DIP2C: variants seen among roughly 807,000 people sequenced by gnomAD.
The protein encoded by DIP2C is DIP2 acetate--CoA ligase C (putative).
Under a neutral mutation model 192.4 loss-of-function variants are expected in DIP2C, and 33 were observed. The ratio of observed to expected loss-of-function variants is 0.17; its 90% CI spans 0.13 to 0.23. DIP2C has a LOEUF of 0.23. Among genes scored for constraint, DIP2C ranks in the 10% least tolerant of loss-of-function variants. The pLI, the probability that DIP2C is intolerant of heterozygous loss-of-function variation, is 1.00. For synonymous variants in DIP2C, 979 were observed against 864.1 expected, an observed-to-expected ratio of 1.13 and a Z score of -2.33; for missense variants, 1,537 against 2,110.1, an observed-to-expected ratio of 0.73 and a Z score of 5.32.
At chr10:359,319 G>T (rs948439450) in intron 22 of DIP2C, among the ~76,000 whole-genome samples, 1 of 152,180 alleles carries the variant, frequency 6.6e-6, no homozygotes, top group African/African-American at 2.4e-5. Flanking sequence ...TGCCAGAAAC[G>T]ATTCCACTTA....
chr10:605,299 G>A (rs903179549), intron 1 of DIP2C, among the ~76,000 whole-genome samples: 41 of 152,194 alleles, frequency 2.7e-4, no homozygotes, highest in Non-Finnish European at 4.9e-4. Context: ...TCAGGGACAC[G>A]TTAGGAAATC....
chr10:440,418 A>C (rs961219530), intron 4 of DIP2C, among the ~76,000 whole-genome samples: 1 of 152,258 alleles, frequency 6.6e-6, no homozygotes, highest in Non-Finnish European at 1.5e-5. Context: ...ACTTGCAGGC[A>C]AAGTTTATGA....
At chr10:326,662 G>A (rs1175295165) in intron 31 of DIP2C, among the ~76,000 whole-genome samples, 2 of 152,202 alleles carry the variant, frequency 1.3e-5, no homozygotes, top group Admixed American at 6.5e-5. Context: ...TCGTCTACAC[G>A]CGTGGGACTA....
At chr10:609,539 A>T (rs545427504) in intron 1 of DIP2C, among the ~76,000 whole-genome samples, 2 of 152,294 alleles carry the variant, frequency 1.3e-5, no homozygotes, top group South Asian at 4.1e-4. Flanking sequence ...TAATTAACTC[A>T]ATTAAAAAAC....
At chr10:578,634 G>A (rs1033006850) in intron 1 of DIP2C, among the ~76,000 whole-genome samples, 2 of 152,146 alleles carry the variant, frequency 1.3e-5, no homozygotes, top group Non-Finnish European at 2.9e-5. Context: ...CGGTGCTAAC[G>A]AGATGGTGTG....
chr10:363,508 G>A lies in DIP2C; in HGVS notation c.2478-197C>T, dbSNP rs563206377. Among the ~76,000 whole-genome samples, 10 of 152,158 alleles carry A rather than the reference G, an allele frequency of 6.6e-5. No homozygotes were observed. The highest frequency in any genetic ancestry group is 5.2e-4 in the Admixed American group (8 of 15,280). ...GTGGGAGGCGCCCAGGGATGCTGCC[G>A]AGGCAAGGTCACCCTGATCCCCACG... On this transcript the variant is annotated intron_variant, in intron 20 of 36. Coordinates refer to ENST00000280886, the MANE Select transcript of DIP2C (RefSeq NM_014974.3). The surrounding 1 kb of genome is among the most constrained non-coding windows in gnomAD (Gnocchi z 5.4).
intron 36 of DIP2C, 111 bp downstream of exon 36, chr10:281,088 AC>A: frequency 6.9e-7 from 1 of 1,444,238 alleles, no homozygotes; most frequent in South Asian, 1.3e-5. Flanking sequence ...GTTGAATCGC[AC>A]CCCCTTCCCT....
chr10:393,475 C>G (rs1311636031), intron 10 of DIP2C, among the ~76,000 whole-genome samples: 1 of 152,100 alleles, frequency 6.6e-6, no homozygotes, highest in South Asian at 2.1e-4. Flanking sequence ...ATCAGGGAAA[C>G]GCAAATTAAA....
chr10:463,623 C>T (rs1192996165), intron 3 of DIP2C, among the ~76,000 whole-genome samples: 1 of 152,090 alleles, frequency 6.6e-6, no homozygotes, highest in African/African-American at 2.4e-5. Flanking sequence ...ACTTTCTTCA[C>T]AGAATTGGAA....
Position 666,462 on chromosome 10 carries a change from G to A in DIP2C, c.85+23032C>T, listed in dbSNP as rs999363337. On this transcript the variant is annotated intron_variant, in intron 1 of 36. Coordinates refer to ENST00000280886, the MANE Select transcript of DIP2C (RefSeq NM_014974.3). The surrounding 1 kb of genome is among the most constrained non-coding windows in gnomAD (Gnocchi z 4.1). ...ACCCAGAGCCCGGCCCGCGGCAGCA[G>A]AATCACCCAAGACTGAGATCCTGTG... The A allele has an allele frequency of 6.6e-6, 1 of 152,370 alleles. No homozygotes were observed. Among genetic ancestry groups the A allele is most frequent in the Admixed American group, 6.5e-5 (1 of 15,290 alleles). The allele number at this position is 152,370 out of a possible 1,614,324, so 9.4% of individuals were successfully genotyped here.
intron 1 of DIP2C, among the ~76,000 whole-genome samples, chr10:511,641 C>G (rs112944373): frequency 1.1e-4 from 1 of 9,034 alleles, no homozygotes; most frequent in East Asian, 0.056. Flanking sequence ...CCCAGCCTCC[C>G]CCCACAAGTC....
intron 1 of DIP2C, among the ~76,000 whole-genome samples, chr10:503,534 T>C (rs114500964): frequency 1.3e-3 from 193 of 152,318 alleles, no homozygotes; most frequent in African/African-American, 4.3e-3. Context: ...CGGAAAACCA[T>C]GGAAGTGTTC....
At chr10:592,152 C>T (rs1851441217) in intron 1 of DIP2C, among the ~76,000 whole-genome samples, 1 of 151,624 alleles carries the variant, frequency 6.6e-6, no homozygotes, top group Non-Finnish European at 1.5e-5. Flanking sequence ...GATATTTCTG[C>T]TAATTAGGAA....
intron 1 of DIP2C, among the ~76,000 whole-genome samples, chr10:520,009 C>T (rs1451693528): frequency 6.6e-6 from 1 of 152,214 alleles, no homozygotes; most frequent in South Asian, 2.1e-4. Context: ...GGAGTAACAG[C>T]GATGGTTCTC....
intron 1 of DIP2C, among the ~76,000 whole-genome samples, chr10:629,451 C>A (rs767609574): frequency 6.6e-6 from 1 of 152,212 alleles, no homozygotes; most frequent in African/African-American, 2.4e-5. Flanking sequence ...GCGGCAGGAC[C>A]CAGGGTTTCT....
chr10:479,296 C>T (rs1156328444), intron 2 of DIP2C, among the ~76,000 whole-genome samples: 13 of 150,210 alleles, frequency 8.7e-5, no homozygotes, highest in Admixed American at 6.6e-4. Context: ...CCATTCTAAG[C>T]ACCTGCCCTA....
intron 1 of DIP2C, among the ~76,000 whole-genome samples, chr10:644,626 T>G (rs1332636154): frequency 6.6e-6 from 1 of 151,300 alleles, no homozygotes; most frequent in Admixed American, 6.6e-5. Context: ...TTCTCAAAAG[T>G]ACACACAGAG....
intron 1 of DIP2C, among the ~76,000 whole-genome samples, chr10:626,466 T>G (rs1011081088): frequency 2.7e-5 from 4 of 149,872 alleles, no homozygotes; most frequent in African/African-American, 9.9e-5. Context: ...GGAGTTACCC[T>G]CCGTCCCCCG....
chr10:648,709 G>A (rs977974778), intron 1 of DIP2C, among the ~76,000 whole-genome samples: 5 of 149,588 alleles, frequency 3.3e-5, no homozygotes, highest in African/African-American at 1.2e-4. Flanking sequence ...GACGGTAGGA[G>A]AGAACAGAGC....
Sources: allele counts gnomAD v4.1 joint callset (sites outside exome capture counted in the v4.1 genomes callset), GRCh38; gene constraint gnomAD v4.1.1; non-coding constraint Gnocchi (gnomAD v3.1); transcripts MANE v1.5; gene names NCBI Gene and HGNC (gene_info 2026-07-23, HGNC 2026-07-21).